The following COL23A1 variants were observed in gnomAD, a reference collection of about 807,000 sequenced individuals.
COL23A1 encodes collagen type XXIII alpha 1 chain, also known as collagen alpha-1(XXIII) chain.
Under a neutral mutation model 99.3 loss-of-function variants are expected in COL23A1, and 97 were observed. The ratio of observed to expected loss-of-function variants is 0.98; its 90% CI spans 0.83 to 1.16. The LOEUF (loss-of-function observed/expected upper bound fraction) is 1.16, where lower values mean the gene tolerates loss of function less well. COL23A1 is among the 50% of genes most tolerant of loss of function. The pLI, the probability that COL23A1 is intolerant of heterozygous loss-of-function variation, is 0.00. For synonymous variants in COL23A1, 320 were observed against 308.2 expected, an observed-to-expected ratio of 1.04 and a Z score of -0.40; for missense variants, 762 against 757.4, an observed-to-expected ratio of 1.01 and a Z score of -0.07.
chr5:178,285,546 C>T (rs781243029), intron 5 of COL23A1, among the ~76,000 whole-genome samples: 38 of 152,126 alleles, frequency 2.5e-4, no homozygotes, highest in Non-Finnish European at 5.1e-4. Context: ...AGACTGTCAA[C>T]GATGAGGAAA....
At chr5:178,289,950 G>A (rs1249248161) in intron 4 of COL23A1, among the ~76,000 whole-genome samples, 1 of 152,108 alleles carries the variant, frequency 6.6e-6, no homozygotes, top group Admixed American at 6.5e-5. Context: ...TGTTTGAGAC[G>A]GGGTCTCATT....
At chr5:178,355,510 G>A (rs1368744619) in intron 2 of COL23A1, among the ~76,000 whole-genome samples, 2 of 152,050 alleles carry the variant, frequency 1.3e-5, no homozygotes, top group Non-Finnish European at 2.9e-5. Flanking sequence ...ACCGAAGGCT[G>A]AGTAATTTAT....
intron 2 of COL23A1, among the ~76,000 whole-genome samples, chr5:178,555,104 CAA>C (rs1762198267): frequency 6.6e-6 from 1 of 150,718 alleles, no homozygotes; most frequent in East Asian, 1.9e-4. Flanking sequence ...CATGGCTCAG[CAA>C]AAGTGTCTTC....
chr5:178,482,759 G>A (rs150379263), intron 2 of COL23A1, among the ~76,000 whole-genome samples: 140 of 152,288 alleles, frequency 9.2e-4, no homozygotes, highest in African/African-American at 3.3e-3. Flanking sequence ...AAAATCGGCC[G>A]GGCGTGGTGG....
intron 2 of COL23A1, among the ~76,000 whole-genome samples, chr5:178,419,762 C>T (rs1327238448): frequency 6.6e-6 from 1 of 152,200 alleles, no homozygotes; most frequent in Non-Finnish European, 1.5e-5. Flanking sequence ...ACCTAACTTA[C>T]TAGTATGCAC....
intron 2 of COL23A1, among the ~76,000 whole-genome samples, chr5:178,330,977 T>C (rs114899365): frequency 2.2e-3 from 340 of 152,362 alleles, no homozygotes; most frequent in African/African-American, 8.1e-3. Context: ...TCCTGGCTCA[T>C]TGCATGTTTC....
In COL23A1 at chr5:178,434,991, G is replaced by T. The variant is rs113891407; in HGVS notation, c.361+125691C>A. ...GCTGCAAGGGAGGGGGTCGGCACCC[G>T]TCCAGCACCGCTCGCTCGATTTCCA... On this transcript the variant is annotated intron_variant, in intron 2 of 28. Coordinates refer to ENST00000390654, the MANE Select transcript of COL23A1 (RefSeq NM_173465.4). The surrounding 1 kb of genome is among the most constrained non-coding windows in gnomAD (Gnocchi z 4.3). Among the ~76,000 whole-genome samples the T allele has an allele frequency of 9.5e-4, 145 of 152,312 alleles. 1 individual carries two copies. The highest frequency in any genetic ancestry group is 3.4e-3 in the African/African-American group (141 of 41,566).
At chr5:178,455,038 C>T (rs759942722) in intron 2 of COL23A1, among the ~76,000 whole-genome samples, 5 of 152,240 alleles carry the variant, frequency 3.3e-5, no homozygotes, top group Non-Finnish European at 7.3e-5. Context: ...ATGCACGTGA[C>T]GTGCACACAA....
rs980587987 is a variant in COL23A1, at chr5:178,590,055, G to A, written c.143C>T (p.Ala48Val). The change falls in exon 1 of 29, where the codon GCG becomes GTG. Residue 48 changes from alanine (A) to valine (V), a missense_variant. Coordinates refer to ENST00000390654, the MANE Select transcript of COL23A1 (RefSeq NM_173465.4). This position sits in a 1 kb window ranked among gnomAD's most constrained non-coding sequence, Gnocchi z 5.7. ...GACACCCAGCAGCAGGCAGGCAGCC[G>A]CCGAGCCCACGGAGAGCAGCAGGCA... ...ALCLLLSVGS[A>V]AACLLLGVQA... The A allele has an allele frequency of 7.4e-7, 1 of 1,345,652 alleles. No individual in the cohort carries two copies. Among genetic ancestry groups the A allele is most frequent in the Admixed American group, 2.9e-5 (1 of 34,466 alleles). 83.4% of individuals were successfully genotyped at this position (1,345,652 alleles called of 1,614,324 possible). A position where few individuals can be genotyped will look rare whatever the true frequency, so the allele number is the denominator to read the frequency against.
At chr5:178,513,624 C>T (rs572719713) in intron 2 of COL23A1, among the ~76,000 whole-genome samples, 2 of 152,062 alleles carry the variant, frequency 1.3e-5, no homozygotes, top group South Asian at 2.1e-4. Context: ...GAGGTCCCCA[C>T]GTTTTTCCTG....
rs117796049 is a variant in COL23A1, at chr5:178,328,213, C to T, written c.362-21294G>A. Among the ~76,000 whole-genome samples the T allele has an allele frequency of 6.5e-4, 99 of 152,312 alleles. No individual in the cohort carries two copies. In the East Asian group the frequency reaches 0.018, roughly 28 times the overall value. ...GGCCATCCTTCCTGCCATCCACTCC[C>T]ACACGTCCCCACTGAATTTCCTGTT... is the stretch of plus-strand genomic sequence containing the variant. On this transcript the variant is annotated intron_variant, in intron 2 of 28. Transcript: ENST00000390654.
At chr5:178,430,431 C>A (rs1201371984) in intron 2 of COL23A1, among the ~76,000 whole-genome samples, 1 of 152,168 alleles carries the variant, frequency 6.6e-6, no homozygotes, top group Non-Finnish European at 1.5e-5. Flanking sequence ...CTGGAAAGGA[C>A]ACAATGGGAC....
Position 178,258,262 on chromosome 5 carries a change from T to TATATATATATACAC in COL23A1, c.730-696_730-695insGTGTATATATATAT. Among the ~76,000 whole-genome samples, 77 of 104,122 alleles carry TATATATATATACAC rather than the reference T, an allele frequency of 7.4e-4. 9 individuals carry two copies. Among genetic ancestry groups the TATATATATATACAC allele is most frequent in the Non-Finnish European group, 1.2e-3 (54 of 44,826 alleles). The allele number at this position is 104,122 out of a possible 152,430, so 68.3% of individuals were successfully genotyped here. A position where few individuals can be genotyped will look rare whatever the true frequency, so the allele number is the denominator to read the frequency against. ...ATATATATATATATATATATATATA[T>TATATATATATACAC]ACACATGCAAATCAATTCTAGGCAC... On this transcript the variant is annotated intron_variant, in intron 12 of 28. Coordinates refer to ENST00000390654, the MANE Select transcript of COL23A1 (RefSeq NM_173465.4).
At chr5:178,393,027 G>T (rs1399594254) in intron 2 of COL23A1, among the ~76,000 whole-genome samples, 1 of 152,208 alleles carries the variant, frequency 6.6e-6, no homozygotes, top group African/African-American at 2.4e-5. Flanking sequence ...GGCAGGACAA[G>T]AGCCCAAGGA....
chr5:178,355,056 CAAA>C (rs57506588), intron 2 of COL23A1, among the ~76,000 whole-genome samples: 2 of 117,432 alleles, frequency 1.7e-5, no homozygotes. Context: ...GACTTTGTCT[CAAA>C]AAAAAAAAAA....
At chr5:178,367,291 G>A (rs1362116036) in intron 2 of COL23A1, among the ~76,000 whole-genome samples, 1 of 152,176 alleles carries the variant, frequency 6.6e-6, no homozygotes, top group Non-Finnish European at 1.5e-5. Context: ...GGAGCTCCAC[G>A]TCTGAGAGGG....
At chr5:178,495,208 G>A (rs149296910) in intron 2 of COL23A1, among the ~76,000 whole-genome samples, 3 of 152,364 alleles carry the variant, frequency 2.0e-5, no homozygotes, top group African/African-American at 2.4e-5. Context: ...CCCATCAGCA[G>A]CAGGGCTCCC....
At chr5:178,562,027 A>G (rs531778662) in intron 1 of COL23A1, 22 of 516,550 alleles carry the variant, frequency 4.3e-5, no homozygotes, top group African/African-American at 2.7e-4. Flanking sequence ...AGAAGTTACC[A>G]CGGTCAAAGT....
chr5:178,299,495 C>T (rs1757918529), intron 3 of COL23A1, among the ~76,000 whole-genome samples: 1 of 151,980 alleles, frequency 6.6e-6, no homozygotes, highest in Non-Finnish European at 1.5e-5. Flanking sequence ...TAGTGATGTA[C>T]CTTCCTTTCA....
Sources: gnomAD v4.1 joint callset for allele counts (sites outside exome capture counted in the v4.1 genomes callset) on GRCh38, gnomAD v4.1.1 for gene constraint, Gnocchi (gnomAD v3.1) non-coding constraint, MANE v1.5 for transcripts, NCBI Gene and HGNC (gene_info 2026-07-23, HGNC 2026-07-21) for gene names.